Variants in TFEB observed in about 807,000 individuals in gnomAD.
TFEB encodes T-cell transcription factor EB.
A neutral mutation model predicts 48.0 loss-of-function variants in TFEB; 12 were observed. That is an observed-to-expected ratio of 0.25 (90% CI 0.16 to 0.40). TFEB has a LOEUF of 0.40. Ranked by LOEUF, TFEB falls within the 10% of genes least tolerant of loss-of-function variation. The pLI is 1.00. For missense variants in TFEB, 509 were observed against 640.3 expected, an observed-to-expected ratio of 0.79 and a Z score of 2.21; for synonymous variants, 244 against 261.4, an observed-to-expected ratio of 0.93 and a Z score of 0.64.
At chr6:41,735,004 G>T in intron 1 of TFEB, 1 of 985,368 alleles carries the variant, frequency 1.0e-6, no homozygotes, top group Non-Finnish European at 1.2e-6. Context: ...TCACCATCAC[G>T]CCTCCCGCCC....
intron 1 of TFEB, among the ~76,000 whole-genome samples, chr6:41,702,982 C>T (rs1770014287): frequency 6.6e-6 from 1 of 152,224 alleles, no homozygotes; most frequent in Non-Finnish European, 1.5e-5. Context: ...GTGTGGAGGG[C>T]TGGTCCGGTG....
At chr6:41,698,578 G>A (rs1314655584) in intron 1 of TFEB, among the ~76,000 whole-genome samples, 1 of 152,216 alleles carries the variant, frequency 6.6e-6, no homozygotes, top group Non-Finnish European at 1.5e-5. Context: ...GAGGCTGGGA[G>A]GCCTGTTTAA....
intron 1 of TFEB, among the ~76,000 whole-genome samples, chr6:41,696,568 C>A (rs936701751): frequency 2.0e-5 from 3 of 152,084 alleles, no homozygotes; most frequent in African/African-American, 4.8e-5. Flanking sequence ...GTGGTGTGCA[C>A]CTGTAGTCCC....
At position 41,734,854 on chromosome 6, in the gene TFEB, C is replaced by G. The variant is rs868501633; in HGVS notation, c.-23+496G>C. ...GTGGCGCCGCTCTGGCCCTCCCACT[C>G]CCCCCGCTGGCCTGGCCAGACTCAG... On this transcript the variant is annotated intron_variant, in intron 1 of 8. Coordinates refer to ENST00000373033, the MANE Select transcript of TFEB (RefSeq NM_001271944.2). This position sits in a 1 kb window ranked among gnomAD's most constrained non-coding sequence, Gnocchi z 4.0. The G allele has an allele frequency of 3.2e-5, 31 of 976,592 alleles. No individual in the cohort carries two copies. In the African/African-American group the frequency reaches 4.2e-4, roughly 13 times the overall value. 60.5% of individuals were successfully genotyped at this position (976,592 alleles called of 1,614,324 possible).
At chr6:41,707,482 A>C (rs1170462322) in intron 1 of TFEB, among the ~76,000 whole-genome samples, 6 of 152,124 alleles carry the variant, frequency 3.9e-5, no homozygotes, top group African/African-American at 1.4e-4. Context: ...GTGGCCCAGG[A>C]CCACGTCTCC....
At chr6:41,712,490 G>A (rs898845686) in intron 1 of TFEB, among the ~76,000 whole-genome samples, 1 of 152,156 alleles carries the variant, frequency 6.6e-6, no homozygotes, top group African/African-American at 2.4e-5. Flanking sequence ...GCCTCTCAGG[G>A]CCTCAGTTTC....
chr6:41,731,505 T>A (rs2127278576), intron 1 of TFEB, among the ~76,000 whole-genome samples: 1 of 152,308 alleles, frequency 6.6e-6, no homozygotes, highest in South Asian at 2.1e-4. Flanking sequence ...TCTTCCTTTT[T>A]CTTCCTCCCC....
intron 6 of TFEB, 43 bp downstream of exon 6, chr6:41,687,710 A>G: frequency 6.2e-7 from 1 of 1,613,428 alleles, no homozygotes; most frequent in Non-Finnish European, 8.5e-7. Context: ...CCAGGTGAGA[A>G]CAAGGAAGAG....
At chr6:41,705,633 A>G (rs1581906802) in intron 1 of TFEB, 2 of 152,560 alleles carry the variant, frequency 1.3e-5, no homozygotes, top group African/African-American at 4.8e-5. Context: ...GCTCAGAAAC[A>G]CACATCCACT....
In TFEB at chr6:41,720,813, A is replaced by G. The variant is rs1214520450; in HGVS notation, c.-23+14537T>C. ...AGGGAGACTGGCACAGCCCTCACCC[A>G]TATATAATTATTCCATCATATATTA... On this transcript the variant is annotated intron_variant, in intron 1 of 8. Transcript: ENST00000373033. The surrounding 1 kb of genome is among the most constrained non-coding windows in gnomAD (Gnocchi z 4.1). 2 of 152,166 alleles carry G rather than the reference A, an allele frequency of 1.3e-5. No individual in the cohort carries two copies. Among genetic ancestry groups the G allele is most frequent in the Non-Finnish European group, 2.9e-5 (2 of 68,024 alleles). The allele number at this position is 152,166 out of a possible 1,614,324, so 9.4% of individuals were successfully genotyped here.
rs1467035280 is a variant in TFEB at position 41,730,721 on chromosome 6, TC to T, written c.-23+4628del. 6.6e-6 allele frequency among the ~76,000 whole-genome samples: 1 copy of T among 152,186 alleles called. No individual in the cohort carries two copies. The highest frequency in any genetic ancestry group is 1.5e-5 in the Non-Finnish European group (1 of 68,034). ...GATTTTATCTCTGTCCCCAATGACA[TC>T]ACAGCCAAGGGGATCTGTATCTCTG... On this transcript the variant is annotated intron_variant, in intron 1 of 8. Transcript: ENST00000373033. The surrounding 1 kb of genome is among the most constrained non-coding windows in gnomAD (Gnocchi z 4.1).
Position 41,723,988 on chromosome 6 carries a change from T to C in TFEB, c.-23+11362A>G. ...CCCCACAGCTCACCATCTTCCTGAC[T>C]GGCCATACACCTGCAGTCTTGGCCT... is the stretch of plus-strand genomic sequence containing the variant. On this transcript the variant is annotated intron_variant, in intron 1 of 8. Coordinates refer to ENST00000373033, the MANE Select transcript of TFEB (RefSeq NM_001271944.2). The surrounding 1 kb of genome is among the most constrained non-coding windows in gnomAD (Gnocchi z 6.0). 4.0e-6 allele frequency: 2 copies of C among 497,270 alleles called. No individual in the cohort carries two copies. The highest frequency in any genetic ancestry group is 1.2e-4 in the East Asian group (2 of 16,872). 30.8% of individuals were successfully genotyped at this position (497,270 alleles called of 1,614,324 possible).
intron 1 of TFEB, among the ~76,000 whole-genome samples, chr6:41,714,142 T>TGTGTGCATGTGCATGC (rs796236647): frequency 0.1 from 6,649 of 65,820 alleles, 470 homozygotes; most frequent in African/African-American, 0.34. Context: ...CATGTGTGCG[T>TGTGTGCATGTGCATGC]GTGTGTGCAT....
intron 1 of TFEB, among the ~76,000 whole-genome samples, chr6:41,702,833 C>T (rs1205384431): frequency 6.6e-6 from 1 of 152,216 alleles, no homozygotes; most frequent in African/African-American, 2.4e-5. Flanking sequence ...ATGCACCACC[C>T]AGCTGCGTGA....
At chr6:41,735,048 T>C (rs1771620922) in intron 1 of TFEB, 1 of 984,976 alleles carries the variant, frequency 1.0e-6, no homozygotes, top group Non-Finnish European at 1.2e-6. Flanking sequence ...GGAAGGCCCA[T>C]GCCCGCCCGG....
intron 1 of TFEB, among the ~76,000 whole-genome samples, chr6:41,711,821 GC>G (rs1770493007): frequency 6.6e-6 from 1 of 152,200 alleles, no homozygotes; most frequent in African/African-American, 2.4e-5. Context: ...GGGAACATGG[GC>G]CTGCGGCAGA....
At position 41,686,852 on chromosome 6, in the gene TFEB, G is replaced by C. The variant is rs1769036775; in HGVS notation, c.803+242C>G. The C allele has an allele frequency of 5.4e-6, 3 of 560,062 alleles. No homozygotes were observed. The South Asian group carries it at 6.5e-5, about 12-fold the overall frequency. The allele number at this position is 560,062 out of a possible 1,614,324, so 34.7% of individuals were successfully genotyped here. The stretch of plus-strand genomic sequence containing the variant: ...GGCCTTAAGAAAACTTTCTCAGCAT[G>C]ACTGCTCCTCCAAGAAGCCTCCCTT... On this transcript the variant is annotated intron_variant, in intron 7 of 8. Transcript: ENST00000373033.
chr6:41,720,791 G>C lies in TFEB; in HGVS notation c.-23+14559C>G, dbSNP rs944395674. On this transcript the variant is annotated intron_variant, in intron 1 of 8. Transcript: ENST00000373033. The surrounding 1 kb of genome is among the most constrained non-coding windows in gnomAD (Gnocchi z 4.1). Reference sequence around the variant, plus strand: ...TCTACCCCACCCCACCCCAGCCAGGGAGACTGGCACAGCCCTCACCCATAT... The same window carrying C: ...TCTACCCCACCCCACCCCAGCCAGGCAGACTGGCACAGCCCTCACCCATAT... 1.4e-4 allele frequency: 21 copies of C among 152,314 alleles called. No homozygotes were observed. The highest frequency in any genetic ancestry group is 5.1e-4 in the African/African-American group (21 of 41,546). 9.4% of individuals were successfully genotyped at this position (152,314 alleles called of 1,614,324 possible).
At chr6:41,689,579 C>T (rs1769187665) in intron 4 of TFEB, 152 bp downstream of exon 4, 1 of 619,046 alleles carries the variant, frequency 1.6e-6, no homozygotes, top group African/African-American at 1.8e-5. Context: ...CGGCCTTTGT[C>T]ACATTATTTA....
Sources: allele counts gnomAD v4.1 joint callset (sites outside exome capture counted in the v4.1 genomes callset), GRCh38; gene constraint gnomAD v4.1.1; non-coding constraint Gnocchi (gnomAD v3.1); transcripts MANE v1.5; gene names NCBI Gene and HGNC (gene_info 2026-07-23, HGNC 2026-07-21).